Variants in CLTCL1 observed in about 807,000 individuals in gnomAD.
The protein encoded by CLTCL1 is clathrin heavy chain 2.
In CLTCL1, 159 loss-of-function variants were observed where a neutral mutation model predicts 190.0. The ratio of observed to expected loss-of-function variants is 0.84; its 90% CI spans 0.74 to 0.95. The LOEUF is 0.95. Ranked by LOEUF, CLTCL1 falls within the 40% of genes least tolerant of loss-of-function variation. The probability of loss-of-function intolerance (pLI) is 0.00; values close to 1 mark genes in which losing one functional copy is unlikely to be tolerated. For synonymous variants in CLTCL1, 752 were observed against 769.6 expected (o/e 0.98, Z 0.38); for missense variants, 1,878 against 2,033.4 (o/e 0.92, Z 1.47).
intron 1 of CLTCL1, among the ~76,000 whole-genome samples, chr22:19,277,972 T>A (rs1395243647): frequency 2.0e-5 from 3 of 152,186 alleles, no homozygotes; most frequent in Non-Finnish European, 4.4e-5. Flanking sequence ...GACTAATTTG[T>A]TGGAGTGGCT....
intron 22 of CLTCL1, among the ~76,000 whole-genome samples, chr22:19,206,116 G>A (rs1367530215): frequency 3.9e-5 from 6 of 152,048 alleles, no homozygotes; most frequent in Admixed American, 3.9e-4. Context: ...GGTAGAGATG[G>A]GGTTTCTCCA....
At chr22:19,191,473 G>T (rs1413038990) in intron 26 of CLTCL1, 38 bp from the exon 27 acceptor site, 1 of 1,607,184 alleles carries the variant, frequency 6.2e-7, no homozygotes, top group Non-Finnish European at 8.5e-7. Flanking sequence ...CCCTGCCGCT[G>T]TCTCCAGATA....
chr22:19,191,446 C>A lies in CLTCL1; in HGVS notation c.4192-11G>T, dbSNP rs781843810. 3.7e-6 allele frequency: 6 copies of A among 1,612,268 alleles called. No homozygotes were observed. Among genetic ancestry groups the A allele is most frequent in the Non-Finnish European group, 5.1e-6 (6 of 1,179,784 alleles). On this transcript the variant is annotated splice_polypyrimidine_tract_variant and intron_variant, in intron 26 of 32. Transcript: ENST00000427926. ...CTCGACGTTGGCAACCTGTGGTGAG[C>A]AAAGCTGAGGGTCAGTCCCTGCCGC...
Position 19,194,826 on chromosome 22 carries a change from CAGATTGGATGTCGTCCATCT to C in CLTCL1, c.4191+1420_4191+1439del, listed in dbSNP as rs200412962. On this transcript the variant is annotated intron_variant, in intron 26 of 32. Transcript: ENST00000427926. Reference sequence around the variant, plus strand: ...TTCCTGCTATCGTGTGCCCCAAATACAGATTGGATGTCGTCCATCTGATTGGACCCCTGCACTGGCGAGTA... The same window carrying C: ...TTCCTGCTATCGTGTGCCCCAAATACGATTGGACCCCTGCACTGGCGAGTA... Among the ~76,000 whole-genome samples, 5 of 152,328 alleles carry C rather than the reference CAGATTGGATGTCGTCCATCT, an allele frequency of 3.3e-5. No homozygotes were observed. In the East Asian group the frequency reaches 5.8e-4, roughly 18 times the overall value.
At chr22:19,257,824 T>A (rs577982326) in intron 2 of CLTCL1, 2 of 1,429,666 alleles carry the variant, frequency 1.4e-6, no homozygotes, top group South Asian at 2.2e-5. Context: ...GTGAGGAGCC[T>A]GGAGACTGAG....
intron 2 of CLTCL1, among the ~76,000 whole-genome samples, chr22:19,263,858 C>A (rs1026129165): frequency 6.6e-6 from 1 of 152,140 alleles, no homozygotes; most frequent in East Asian, 1.9e-4. Flanking sequence ...TTGTAATATT[C>A]TTTTTATTGT....
At position 19,209,021 on chromosome 22, in the gene CLTCL1, G is replaced by C; in HGVS notation, c.3343C>G (p.Gln1115Glu). The change falls in exon 21 of 33, where the codon CAG becomes GAG. Residue 1115 changes from glutamine to glutamate, a missense_variant. Transcript: ENST00000427926. Reference sequence around the variant, plus strand: ...TCCTTCACCAAATCTTTCTGGAGCTGGGCTTGGGCCAGCTGACTCCACACA... The same window carrying C: ...TCCTTCACCAAATCTTTCTGGAGCTCGGCTTGGGCCAGCTGACTCCACACA... ...PAVWSQLAQA[Q>E]LQKDLVKEAI... The C allele has an allele frequency of 6.2e-7, 1 of 1,611,332 alleles. No homozygotes were observed. The highest frequency in any genetic ancestry group is 1.3e-5 in the African/African-American group (1 of 74,982).
intron 1 of CLTCL1, among the ~76,000 whole-genome samples, chr22:19,287,157 C>T (rs182755513): frequency 8.0e-4 from 122 of 152,328 alleles, no homozygotes; most frequent in African/African-American, 2.1e-3. Context: ...ATATTACAAA[C>T]AGCAATACCC....
At chr22:19,262,881 A>C (rs1431420197) in intron 2 of CLTCL1, among the ~76,000 whole-genome samples, 2 of 151,412 alleles carry the variant, frequency 1.3e-5, no homozygotes, top group Non-Finnish European at 2.9e-5. Context: ...AAATACAAAA[A>C]TTAGCTGGGC....
Position 19,180,249 on chromosome 22 carries a change from C to A in CLTCL1, c.4904-11G>T, listed in dbSNP as rs572424136. 1 of 1,613,704 alleles carries A rather than the reference C, an allele frequency of 6.2e-7. No homozygotes were observed. Among genetic ancestry groups the A allele is most frequent in the South Asian group, 1.1e-5 (1 of 91,074 alleles). Reference sequence around the variant, plus strand: ...CATGCCCATCAAAATCTAAAAAAACCAGAATGACATTAATGGTGGAAGGAC... The same window carrying A: ...CATGCCCATCAAAATCTAAAAAAACAAGAATGACATTAATGGTGGAAGGAC... On this transcript the variant is annotated splice_polypyrimidine_tract_variant and intron_variant, in intron 31 of 32. Transcript: ENST00000427926.
chr22:19,213,656 A>C (rs116841120), intron 19 of CLTCL1, among the ~76,000 whole-genome samples: 2 of 152,358 alleles, frequency 1.3e-5, no homozygotes, highest in East Asian at 3.9e-4. Flanking sequence ...AGGCATCATC[A>C]CGCTGGGTGA....
intron 17 of CLTCL1, 55 bp downstream of exon 17, chr22:19,221,322 A>G: frequency 7.1e-7 from 1 of 1,405,426 alleles, no homozygotes; most frequent in Non-Finnish European, 9.6e-7. Context: ...ACACCTTTGA[A>G]AGCTTCCCTG....
chr22:19,266,039 G>C (rs1022578677), intron 2 of CLTCL1, among the ~76,000 whole-genome samples: 5 of 150,028 alleles, frequency 3.3e-5, no homozygotes, highest in Non-Finnish European at 5.9e-5. Context: ...ACACTGGCTA[G>C]TTTTTTGTTT....
chr22:19,288,603 C>T (rs1289868046), intron 1 of CLTCL1, among the ~76,000 whole-genome samples: 2 of 152,238 alleles, frequency 1.3e-5, no homozygotes, highest in Non-Finnish European at 2.9e-5. Flanking sequence ...CAGTAAGTGC[C>T]TGAGTCCACA....
At chr22:19,265,955 C>T (rs545811281) in intron 2 of CLTCL1, among the ~76,000 whole-genome samples, 9 of 152,340 alleles carry the variant, frequency 5.9e-5, no homozygotes, top group East Asian at 5.8e-4. Flanking sequence ...TCACTGTAGC[C>T]TTGACATAAT....
At chr22:19,187,844 CCTGCCCATATAT>C (rs1168615480) in intron 28 of CLTCL1, 116 bp from the exon 29 acceptor site, 6 of 1,348,840 alleles carry the variant, frequency 4.4e-6, no homozygotes, top group Non-Finnish European at 6.3e-6. Context: ...TAGAAAGGCC[CCTGCCCATATAT>C]CCACTGGTGT....
intron 24 of CLTCL1, among the ~76,000 whole-genome samples, chr22:19,199,112 T>A (rs565497053): frequency 1.3e-4 from 20 of 152,334 alleles, no homozygotes; most frequent in Admixed American, 4.6e-4. Flanking sequence ...GTGACACTGC[T>A]GAGCAGAGTC....
intron 2 of CLTCL1, among the ~76,000 whole-genome samples, chr22:19,254,592 C>G (rs1408289050): frequency 1.1e-4 from 17 of 152,190 alleles, no homozygotes; most frequent in Non-Finnish European, 2.2e-4. Context: ...CACCCCTTCT[C>G]TGTGTGGTCT....
chr22:19,180,687 C>T (rs782160605), intron 31 of CLTCL1, 44 bp downstream of exon 31: 4 of 1,601,014 alleles, frequency 2.5e-6, no homozygotes, highest in South Asian at 2.2e-5. Context: ...TGACTCCCTC[C>T]CTGCTCCCTC....
Sources: gnomAD v4.1 joint callset for allele counts (sites outside exome capture counted in the v4.1 genomes callset) on GRCh38, gnomAD v4.1.1 for gene constraint, MANE v1.5 for transcripts, NCBI Gene and HGNC (gene_info 2026-07-23, HGNC 2026-07-21) for gene names.